Variants in SAMD4A observed in about 807,000 individuals in gnomAD.
SAMD4A encodes sterile alpha motif domain containing 4A.
In SAMD4A, 33 loss-of-function variants were observed where a neutral mutation model predicts 81.3. That is an observed-to-expected ratio of 0.41 (90% CI 0.31 to 0.54). SAMD4A has a LOEUF of 0.54. Among genes scored for constraint, SAMD4A ranks in the 20% least tolerant of loss-of-function variants. The pLI is 0.37. For synonymous variants in SAMD4A, 389 were observed against 382.1 expected (o/e 1.02, Z -0.21); for missense variants, 854 against 951.1 (o/e 0.90, Z 1.34).
intron 9 of SAMD4A, 33 bp downstream of exon 9, chr14:54,770,255 G>A: frequency 6.9e-7 from 1 of 1,448,746 alleles, no homozygotes; most frequent in East Asian, 2.3e-5. Flanking sequence ...GTAATGCGTA[G>A]TGGTTCCCCT....
chr14:54,701,537 G>A (rs2036715729), intron 2 of SAMD4A, among the ~76,000 whole-genome samples: 1 of 152,200 alleles, frequency 6.6e-6, no homozygotes, highest in South Asian at 2.1e-4. Flanking sequence ...GATGAGGGGA[G>A]CTCTTTTTTT....
At chr14:54,674,905 T>A (rs971846045) in intron 2 of SAMD4A, among the ~76,000 whole-genome samples, 1 of 152,180 alleles carries the variant, frequency 6.6e-6, no homozygotes, top group African/African-American at 2.4e-5. Flanking sequence ...CGTGCCATGA[T>A]GCCCAGCGAA....
At chr14:54,619,175 A>T (rs1290918526) in intron 2 of SAMD4A, among the ~76,000 whole-genome samples, 2 of 152,228 alleles carry the variant, frequency 1.3e-5, no homozygotes, top group Non-Finnish European at 2.9e-5. Context: ...TACAACTAAT[A>T]GGTAATTATT....
At chr14:54,671,856 C>T (rs2140516339) in intron 2 of SAMD4A, among the ~76,000 whole-genome samples, 1 of 152,040 alleles carries the variant, frequency 6.6e-6, no homozygotes, top group South Asian at 2.1e-4. Context: ...TGCGACAGGG[C>T]CCTAGCAGGA....
At chr14:54,684,425 G>A (rs190590498) in intron 2 of SAMD4A, among the ~76,000 whole-genome samples, 1 of 152,308 alleles carries the variant, frequency 6.6e-6, no homozygotes, top group Non-Finnish European at 1.5e-5. Context: ...TTTCCAGATG[G>A]ACCGAGGCGG....
chr14:54,588,868 G>A (rs2033698316), intron 2 of SAMD4A, among the ~76,000 whole-genome samples: 1 of 152,110 alleles, frequency 6.6e-6, no homozygotes, highest in African/African-American at 2.4e-5. Context: ...TCTATTGACA[G>A]GAAAAGGATT....
intron 2 of SAMD4A, among the ~76,000 whole-genome samples, chr14:54,606,231 ACGTGTG>A (rs1437509474): frequency 1.3e-5 from 2 of 149,720 alleles, no homozygotes; most frequent in Admixed American, 1.3e-4. Flanking sequence ...GTGCACGTGC[ACGTGTG>A]CGCTCATTTC....
At position 54,709,455 on chromosome 14, in the gene SAMD4A, G is replaced by A. The variant is rs143088568; in HGVS notation, c.715+6875G>A. 2.9e-3 allele frequency among the ~76,000 whole-genome samples: 441 copies of A among 151,996 alleles called. 4 individuals are homozygous for A. The highest frequency in any genetic ancestry group is 0.01 in the African/African-American group (428 of 41,324). ...CGAGAGGCAAGAGTATCTTTTATTG[G>A]TTGCAGAGGTTAAGTCAAGTGACAT... On this transcript the variant is annotated intron_variant, in intron 3 of 12. Transcript: ENST00000554335.
intron 3 of SAMD4A, among the ~76,000 whole-genome samples, chr14:54,717,884 GTTTT>G (rs59380334): frequency 7.6e-6 from 1 of 131,232 alleles, no homozygotes; most frequent in Admixed American, 7.7e-5. Context: ...TTGCTTGAAG[GTTTT>G]TTTTTTTTTT....
intron 2 of SAMD4A, among the ~76,000 whole-genome samples, chr14:54,613,133 AGAGAAAGG>A (rs1190259263): frequency 1.2e-5 from 1 of 80,764 alleles, no homozygotes; most frequent in East Asian, 4.5e-4. Flanking sequence ...AAAGAGAGAG[AGAGAAAGG>A]AAGGAAGGAA....
intron 2 of SAMD4A, among the ~76,000 whole-genome samples, chr14:54,593,341 T>C (rs1317735170): frequency 6.6e-6 from 1 of 152,212 alleles, no homozygotes; most frequent in Admixed American, 6.5e-5. Context: ...TATTCTGGGG[T>C]TTTTATTGTA....
At chr14:54,695,965 A>AG (rs2036566394) in intron 2 of SAMD4A, among the ~76,000 whole-genome samples, 4 of 150,846 alleles carry the variant, frequency 2.7e-5, no homozygotes, top group South Asian at 4.2e-4. Context: ...AAAAAAAAAA[A>AG]AAAAAAAAGA....
chr14:54,604,959 A>G (rs903037204), intron 2 of SAMD4A, among the ~76,000 whole-genome samples: 3 of 152,200 alleles, frequency 2.0e-5, no homozygotes, highest in African/African-American at 7.2e-5. Flanking sequence ...GAGCAGTTAT[A>G]TCAGTGAATA....
chr14:54,651,860 T>C (rs896871051), intron 2 of SAMD4A, among the ~76,000 whole-genome samples: 3 of 152,240 alleles, frequency 2.0e-5, no homozygotes, highest in East Asian at 1.9e-4. Flanking sequence ...ATGACTCTTA[T>C]ATAGACATCT....
At chr14:54,661,716 A>G (rs1241930734) in intron 2 of SAMD4A, among the ~76,000 whole-genome samples, 1 of 152,168 alleles carries the variant, frequency 6.6e-6, no homozygotes, top group Non-Finnish European at 1.5e-5. Flanking sequence ...GTTTGTTGCA[A>G]AAAGGTTAGT....
chr14:54,739,151 G>A (rs1365719251), intron 4 of SAMD4A, among the ~76,000 whole-genome samples: 1 of 142,468 alleles, frequency 7.0e-6, no homozygotes, highest in Non-Finnish European at 1.5e-5. Context: ...ATTTTGAGGT[G>A]AGAAATAAAG....
At chr14:54,671,147 G>C (rs1040314861) in intron 2 of SAMD4A, among the ~76,000 whole-genome samples, 1 of 152,210 alleles carries the variant, frequency 6.6e-6, no homozygotes, top group Non-Finnish European at 1.5e-5. Flanking sequence ...TGGTTAGATC[G>C]TAAGAGAAAG....
intron 2 of SAMD4A, among the ~76,000 whole-genome samples, chr14:54,572,305 G>A (rs1367426794): frequency 6.6e-6 from 1 of 152,144 alleles, no homozygotes; most frequent in Non-Finnish European, 1.5e-5. Flanking sequence ...CTTCCCTGAG[G>A]AGGAGATACA....
chr14:54,762,664 C>G (rs1023936854), intron 7 of SAMD4A, among the ~76,000 whole-genome samples: 1 of 152,138 alleles, frequency 6.6e-6, no homozygotes. Flanking sequence ...TTACATTTTA[C>G]CTACGTTAAA....
Sources: gnomAD v4.1 joint callset for allele counts (sites outside exome capture counted in the v4.1 genomes callset) on GRCh38, gnomAD v4.1.1 for gene constraint, MANE v1.5 for transcripts, NCBI Gene and HGNC (gene_info 2026-07-23, HGNC 2026-07-21) for gene names.